ERC2: variants seen among roughly 807,000 people sequenced by gnomAD.
ERC2 encodes the protein ERC protein 2.
Under a neutral mutation model 114.8 loss-of-function variants are expected in ERC2, and 42 were observed. That is an observed-to-expected ratio of 0.37 (90% CI 0.29 to 0.47). ERC2 has a LOEUF of 0.47. Among genes scored for constraint, ERC2 ranks in the 20% least tolerant of loss-of-function variants. ERC2 has a pLI of 0.99. For synonymous variants in ERC2, 454 were observed against 425.5 expected, an observed-to-expected ratio of 1.07 and a Z score of -0.82; for missense variants, 939 against 1,150.7, an observed-to-expected ratio of 0.82 and a Z score of 2.66.
chr3:56,293,563 C>A (rs1218413311), intron 3 of ERC2, among the ~76,000 whole-genome samples: 3 of 152,174 alleles, frequency 2.0e-5, no homozygotes, highest in Non-Finnish European at 4.4e-5. Context: ...TCCTTTCAGG[C>A]CTTCAAGTCT....
At chr3:56,288,636 A>G (rs1014893331) in intron 3 of ERC2, among the ~76,000 whole-genome samples, 3 of 152,248 alleles carry the variant, frequency 2.0e-5, no homozygotes, top group Non-Finnish European at 4.4e-5. Flanking sequence ...TTTCCGTGTC[A>G]TCAGAAATGT....
chr3:56,078,578 A>AC (rs947128844), intron 7 of ERC2, among the ~76,000 whole-genome samples: 2 of 152,164 alleles, frequency 1.3e-5, no homozygotes, highest in African/African-American at 4.8e-5. Flanking sequence ...AATGCCAGCT[A>AC]CTGTTGTCAT....
intron 17 of ERC2, among the ~76,000 whole-genome samples, chr3:55,602,267 G>A (rs2058437646): frequency 6.6e-6 from 1 of 152,188 alleles, no homozygotes; most frequent in Admixed American, 6.5e-5. Flanking sequence ...TGGATCCAGA[G>A]GGCAGTGAGA....
intron 2 of ERC2, among the ~76,000 whole-genome samples, chr3:56,384,104 G>A (rs2059850308): frequency 1.3e-5 from 2 of 152,042 alleles, no homozygotes. Context: ...ATCCACTGAG[G>A]GACATATATT....
chr3:55,805,657 T>A lies in ERC2; in HGVS notation c.2565-70739A>T, dbSNP rs548404916. On this transcript the variant is annotated intron_variant, in intron 14 of 17. Transcript: ENST00000288221. ...GGTGCTACCAGATGTGCTCTGAAATTATTGCTTATTCACAACAACAACAAA... is the reference window on the plus strand; with the variant it reads ...GGTGCTACCAGATGTGCTCTGAAATAATTGCTTATTCACAACAACAACAAA... Among the ~76,000 whole-genome samples the A allele has an allele frequency of 2.2e-5, 3 of 137,810 alleles. No individual in the cohort carries two copies. The South Asian group carries it at 7.0e-4, about 32-fold the overall frequency. 90.4% of individuals were successfully genotyped at this position (137,810 alleles called of 152,430 possible).
chr3:55,987,703 C>A (rs999582015), intron 11 of ERC2, among the ~76,000 whole-genome samples: 2 of 152,124 alleles, frequency 1.3e-5, no homozygotes, highest in African/African-American at 4.8e-5. Context: ...CATTATTGAG[C>A]AAATCAGAAG....
chr3:56,443,413 G>C (rs937172654), intron 1 of ERC2, among the ~76,000 whole-genome samples: 3 of 152,194 alleles, frequency 2.0e-5, no homozygotes, highest in Non-Finnish European at 4.4e-5. Context: ...AATTTATAAA[G>C]AGCAGGGGTG....
chr3:55,716,717 G>A lies in ERC2; in HGVS notation c.2713-17205C>T, dbSNP rs1388298696. Among the ~76,000 whole-genome samples, 5 of 152,166 alleles carry A rather than the reference G, an allele frequency of 3.3e-5. No homozygotes were observed. The East Asian group carries it at 9.6e-4, about 29-fold the overall frequency. On this transcript the variant is annotated intron_variant, in intron 15 of 17. Coordinates refer to ENST00000288221, the MANE Select transcript of ERC2 (RefSeq NM_015576.3). ...CTGTCTGTCTTACCCATCATCATGT[G>A]CCCTGAGCAAACAGGCTTATCTCCA...
At chr3:55,741,613 A>G (rs1025650265) in intron 14 of ERC2, among the ~76,000 whole-genome samples, 32 of 152,200 alleles carry the variant, frequency 2.1e-4, no homozygotes, top group African/African-American at 7.0e-4. Flanking sequence ...CGGAAAGTAC[A>G]TATATGCCCA....
intron 2 of ERC2, among the ~76,000 whole-genome samples, chr3:56,352,358 A>C (rs1349791180): frequency 6.6e-6 from 1 of 152,194 alleles, no homozygotes; most frequent in Non-Finnish European, 1.5e-5. Flanking sequence ...TGATTTGTAC[A>C]GGGGTTACAA....
At chr3:55,993,565 A>G (rs915125638) in intron 10 of ERC2, among the ~76,000 whole-genome samples, 2 of 152,162 alleles carry the variant, frequency 1.3e-5, no homozygotes, top group African/African-American at 4.8e-5. Context: ...TAATCATTTT[A>G]GAAATAATAT....
At chr3:55,794,686 C>T (rs1054351675) in intron 14 of ERC2, among the ~76,000 whole-genome samples, 3 of 152,146 alleles carry the variant, frequency 2.0e-5, no homozygotes, top group Non-Finnish European at 4.4e-5. Flanking sequence ...ATATGTTAGT[C>T]AACATTATAC....
intron 6 of ERC2, among the ~76,000 whole-genome samples, chr3:56,098,517 A>G (rs2078182361): frequency 3.9e-5 from 6 of 152,186 alleles, no homozygotes. Flanking sequence ...GTTCGTGTCC[A>G]TTTACATTAA....
intron 12 of ERC2, among the ~76,000 whole-genome samples, chr3:55,977,486 A>G (rs1265958692): frequency 6.6e-6 from 1 of 152,230 alleles, no homozygotes; most frequent in Non-Finnish European, 1.5e-5. Flanking sequence ...AAACATGTCT[A>G]TTGTCACTTG....
intron 14 of ERC2, among the ~76,000 whole-genome samples, chr3:55,864,142 T>C (rs56212981): frequency 0.011 from 1,206 of 111,348 alleles, 18 homozygotes; most frequent in African/African-American, 0.041. Flanking sequence ...TATATATACA[T>C]ATATATATAT....
At chr3:56,255,078 CA>C (rs760933928) in intron 3 of ERC2, among the ~76,000 whole-genome samples, 4 of 152,194 alleles carry the variant, frequency 2.6e-5, no homozygotes, top group Non-Finnish European at 5.9e-5. Context: ...AATAAAGGGA[CA>C]ACGGCCTTAA....
chr3:56,367,818 A>G (rs554822450), intron 2 of ERC2, among the ~76,000 whole-genome samples: 8 of 152,134 alleles, frequency 5.3e-5, no homozygotes, highest in African/African-American at 1.9e-4. Context: ...TCTTTTCACA[A>G]TTAAAAAAAA....
intron 17 of ERC2, chr3:55,610,938 T>G (rs1451437197): frequency 6.6e-6 from 1 of 152,136 alleles, no homozygotes; most frequent in Non-Finnish European, 1.5e-5. Flanking sequence ...AATGGAACTT[T>G]AAGGTTATTG....
intron 3 of ERC2, among the ~76,000 whole-genome samples, chr3:56,240,912 T>TA (rs2051281132): frequency 6.6e-6 from 1 of 152,216 alleles, no homozygotes; most frequent in Admixed American, 6.5e-5. Flanking sequence ...GTTTCCATTG[T>TA]ACCCATCACA....
Sources: allele counts gnomAD v4.1 joint callset (sites outside exome capture counted in the v4.1 genomes callset), GRCh38; gene constraint gnomAD v4.1.1; transcripts MANE v1.5; gene names NCBI Gene and HGNC (gene_info 2026-07-23, HGNC 2026-07-21).